The following GABRB2 variants were observed in gnomAD, a reference collection of about 807,000 sequenced individuals.
GABRB2 encodes the protein gamma-aminobutyric acid type A receptor subunit beta2, also known as gamma-aminobutyric acid receptor subunit beta-2.
In GABRB2, 16 loss-of-function variants were observed where a neutral mutation model predicts 54.7. The observed-to-expected ratio is 0.29, with a 90% confidence interval of 0.20 to 0.44. GABRB2 has a LOEUF of 0.44. Among genes scored for constraint, GABRB2 ranks in the 20% least tolerant of loss-of-function variants. The probability of loss-of-function intolerance (pLI) is 1.00; values close to 1 mark genes in which losing one functional copy is unlikely to be tolerated. For synonymous variants in GABRB2, 244 were observed against 233.8 expected (o/e 1.04, Z -0.40); for missense variants, 355 against 644.0 (o/e 0.55, Z 4.86).
At chr5:161,404,790 A>T (rs1756298687) in intron 5 of GABRB2, among the ~76,000 whole-genome samples, 1 of 152,132 alleles carries the variant, frequency 6.6e-6, no homozygotes, top group Non-Finnish European at 1.5e-5. Flanking sequence ...AGGTATATGC[A>T]TATGGGATCT....
chr5:161,453,233 T>A (rs746047005), intron 4 of GABRB2, among the ~76,000 whole-genome samples: 1 of 152,220 alleles, frequency 6.6e-6, no homozygotes, highest in Non-Finnish European at 1.5e-5. Context: ...TATCTCTTGA[T>A]GGAAATCTCT....
intron 3 of GABRB2, among the ~76,000 whole-genome samples, chr5:161,470,702 C>T (rs551082334): frequency 3.3e-5 from 5 of 151,972 alleles, no homozygotes; most frequent in Non-Finnish European, 5.9e-5. Context: ...CTCCTCTGAA[C>T]GGCACTCAAT....
At chr5:161,391,123 T>G (rs1755808841) in intron 5 of GABRB2, among the ~76,000 whole-genome samples, 1 of 152,172 alleles carries the variant, frequency 6.6e-6, no homozygotes, top group Non-Finnish European at 1.5e-5. Flanking sequence ...GTTATATTTT[T>G]AAACCTCCAT....
chr5:161,427,326 T>C (rs576741801), intron 4 of GABRB2, among the ~76,000 whole-genome samples: 2 of 152,274 alleles, frequency 1.3e-5, no homozygotes, highest in African/African-American at 4.8e-5. Flanking sequence ...ATAACATAAA[T>C]GACTTGGAGG....
chr5:161,347,496 G>C (rs539928579), intron 5 of GABRB2, among the ~76,000 whole-genome samples: 19 of 152,214 alleles, frequency 1.2e-4, no homozygotes, highest in African/African-American at 4.1e-4. Flanking sequence ...CCTTGAATGT[G>C]AGCTGCCCTT....
intron 4 of GABRB2, among the ~76,000 whole-genome samples, chr5:161,413,513 C>A (rs553217983): frequency 6.6e-6 from 1 of 152,064 alleles, no homozygotes; most frequent in East Asian, 1.9e-4. Flanking sequence ...CTTATTTTGG[C>A]TCTGTGACAC....
chr5:161,299,747 C>T (rs941246988), intron 9 of GABRB2, among the ~76,000 whole-genome samples: 1 of 151,862 alleles, frequency 6.6e-6, no homozygotes, highest in Non-Finnish European at 1.5e-5. Flanking sequence ...ATTTGCATTC[C>T]AAAGAATCCT....
chr5:161,438,227 A>G (rs1336717124), intron 4 of GABRB2, among the ~76,000 whole-genome samples: 1 of 152,206 alleles, frequency 6.6e-6, no homozygotes, highest in African/African-American at 2.4e-5. Context: ...TTTGGGAGAA[A>G]GTAAGGGAAG....
chr5:161,326,653 TA>T lies in GABRB2; in HGVS notation c.1078-173del, dbSNP rs535546739. Among the ~76,000 whole-genome samples the T allele has an allele frequency of 2.7e-3, 405 of 152,208 alleles. 4 individuals carry two copies. The highest frequency in any genetic ancestry group is 9.5e-3 in the African/African-American group (393 of 41,534). On this transcript the variant is annotated intron_variant, in intron 8 of 9. Coordinates refer to ENST00000393959, the MANE Select transcript of GABRB2 (RefSeq NM_001371727.1). ...TAAGTTTTTAAAAAATGTTTTGTTT[TA>T]AAAACATCAAATTCCAAGCAGTAGA...
intron 3 of GABRB2, among the ~76,000 whole-genome samples, chr5:161,522,009 T>G (rs765894722): frequency 6.6e-6 from 1 of 151,922 alleles, no homozygotes; most frequent in Non-Finnish European, 1.5e-5. Flanking sequence ...ACCAGTTCCT[T>G]AATTTTTCCT....
At chr5:161,333,558 C>T (rs1206072224) in intron 7 of GABRB2, among the ~76,000 whole-genome samples, 1 of 152,188 alleles carries the variant, frequency 6.6e-6, no homozygotes, top group African/African-American at 2.4e-5. Context: ...CTTTTATGCT[C>T]AGTCAATGGC....
At chr5:161,370,103 G>T (rs912740851) in intron 5 of GABRB2, among the ~76,000 whole-genome samples, 4 of 152,036 alleles carry the variant, frequency 2.6e-5, no homozygotes, top group Non-Finnish European at 4.4e-5. Flanking sequence ...TTATGAAGAA[G>T]AAAAACACAA....
intron 9 of GABRB2, among the ~76,000 whole-genome samples, chr5:161,320,119 A>G (rs1758166158): frequency 6.6e-6 from 1 of 151,294 alleles, no homozygotes. Context: ...TGATTTTCTA[A>G]TTTGTTAATT....
intron 3 of GABRB2, among the ~76,000 whole-genome samples, chr5:161,537,742 T>C (rs905454777): frequency 6.6e-6 from 1 of 152,160 alleles, no homozygotes; most frequent in African/African-American, 2.4e-5. Flanking sequence ...ATTGACACTA[T>C]TTCATGGGCC....
chr5:161,408,070 A>G (rs1402785368), intron 5 of GABRB2, among the ~76,000 whole-genome samples: 1 of 152,068 alleles, frequency 6.6e-6, no homozygotes, highest in African/African-American at 2.4e-5. Flanking sequence ...CAGCAATTTT[A>G]GCAATGCAAT....
chr5:161,430,261 C>T (rs1757138758), intron 4 of GABRB2, among the ~76,000 whole-genome samples: 1 of 152,202 alleles, frequency 6.6e-6, no homozygotes, highest in African/African-American at 2.4e-5. Flanking sequence ...GAGTACATGG[C>T]CACAGCCAGG....
At chr5:161,543,046 T>A (rs1375412408) in intron 3 of GABRB2, among the ~76,000 whole-genome samples, 2 of 152,254 alleles carry the variant, frequency 1.3e-5, no homozygotes, top group Admixed American at 6.5e-5. Flanking sequence ...CAAGTGACAA[T>A]CTAGCTGGAC....
chr5:161,451,743 A>G (rs1757794116), intron 4 of GABRB2, among the ~76,000 whole-genome samples: 1 of 152,136 alleles, frequency 6.6e-6, no homozygotes, highest in Non-Finnish European at 1.5e-5. Flanking sequence ...TGCTTACTAT[A>G]CATTCATTGT....
chr5:161,386,661 C>T (rs1210266573), intron 5 of GABRB2, among the ~76,000 whole-genome samples: 1 of 151,990 alleles, frequency 6.6e-6, no homozygotes, highest in African/African-American at 2.4e-5. Flanking sequence ...ATCCTCGCCC[C>T]AGTGCTCCCT....
Sources: gnomAD v4.1 joint callset for allele counts (sites outside exome capture counted in the v4.1 genomes callset) on GRCh38, gnomAD v4.1.1 for gene constraint, MANE v1.5 for transcripts, NCBI Gene and HGNC (gene_info 2026-07-23, HGNC 2026-07-21) for gene names.